Variants in SVEP1 observed in about 807,000 individuals in gnomAD.
SVEP1 encodes sushi, von Willebrand factor type A, EGF and pentraxin domain containing 1.
A neutral mutation model predicts 367.3 loss-of-function variants in SVEP1; 164 were observed. The observed-to-expected ratio is 0.45, with a 90% CI of 0.39 to 0.51. The LOEUF is 0.51. Among genes scored for constraint, SVEP1 ranks in the 20% least tolerant of loss-of-function variants. The pLI, the probability that SVEP1 is intolerant of heterozygous loss-of-function variation, is 0.00. For synonymous variants in SVEP1, 1,666 were observed against 1,611.6 expected (o/e 1.03, Z -0.81); for missense variants, 4,117 against 4,425.3 (o/e 0.93, Z 1.98).
chr9:110,425,224 T>C (rs1202909124), intron 36 of SVEP1, among the ~76,000 whole-genome samples: 1 of 152,222 alleles, frequency 6.6e-6, no homozygotes, highest in Non-Finnish European at 1.5e-5. Flanking sequence ...TGGGACTATG[T>C]GTACTTCATA....
intron 5 of SVEP1, among the ~76,000 whole-genome samples, chr9:110,506,695 C>T (rs192122928): frequency 2.0e-5 from 3 of 152,282 alleles, no homozygotes; most frequent in African/African-American, 7.2e-5. Context: ...TCCTACACTT[C>T]TTGTCCTCTA....
intron 45 of SVEP1, chr9:110,376,710 T>C (rs1827355830): frequency 6.6e-6 from 1 of 152,242 alleles, no homozygotes; most frequent in Non-Finnish European, 1.5e-5. Flanking sequence ...GTTGAGATAT[T>C]TAAAAATTTA....
chr9:110,464,609 GT>G (rs768292488), intron 18 of SVEP1, among the ~76,000 whole-genome samples: 4 of 152,136 alleles, frequency 2.6e-5, no homozygotes, highest in Non-Finnish European at 5.9e-5. Flanking sequence ...AGTAGGAAGT[GT>G]GCCTATGTGT....
intron 3 of SVEP1, among the ~76,000 whole-genome samples, chr9:110,528,154 GTGTA>G (rs1303409834): frequency 4.3e-3 from 110 of 25,708 alleles, no homozygotes; most frequent in Non-Finnish European, 7.8e-3. Flanking sequence ...GTGTGTGTGT[GTGTA>G]TATATATATA....
chr9:110,459,022 G>A lies in SVEP1; in HGVS notation c.3414C>T (p.Ala1138=). 2 of 1,613,874 alleles carry A rather than the reference G, an allele frequency of 1.2e-6. No homozygotes were observed. The highest frequency in any genetic ancestry group is 1.3e-5 in the African/African-American group (1 of 75,042). ...RDYYQPNAGK[A]FCLACPFYGT... The stretch of plus-strand genomic sequence containing the variant: ...CATAAAAGGGACAGGCCAGGCAGAA[G>A]GCCTTCCCTGCATTAGGTTGGTAAT... Residue 1138 remains alanine, a synonymous_variant, in exon 19 of 48, where the codon GCC becomes GCT. Coordinates refer to ENST00000374469, the MANE Select transcript of SVEP1 (RefSeq NM_153366.4).
rs577484502 is a variant in SVEP1, at chr9:110,387,273, G to A, written c.10060+12C>T. The stretch of plus-strand genomic sequence containing the variant: ...GAATCTGATTAAAATTTCTCCTAAA[G>A]GCAACACACACGTTTGCAGAGAGGG... On this transcript the variant is annotated intron_variant, in intron 42 of 47. Coordinates refer to ENST00000374469, the MANE Select transcript of SVEP1 (RefSeq NM_153366.4). 3.6e-5 allele frequency: 57 copies of A among 1,566,640 alleles called. No individual in the cohort carries two copies. Among genetic ancestry groups the A allele is most frequent in the Non-Finnish European group, 4.8e-5 (56 of 1,163,856 alleles).
At chr9:110,578,517 G>T (rs567653976) in intron 1 of SVEP1, among the ~76,000 whole-genome samples, 1 of 152,042 alleles carries the variant, frequency 6.6e-6, no homozygotes, top group Non-Finnish European at 1.5e-5. Context: ...ACAAAAGTCC[G>T]ACATCCCAAA....
At chr9:110,476,713 C>T (rs1211948594) in intron 13 of SVEP1, among the ~76,000 whole-genome samples, 1 of 152,146 alleles carries the variant, frequency 6.6e-6, no homozygotes, top group African/African-American at 2.4e-5. Context: ...TTATTTTCTA[C>T]CTCCTCTCTT....
At chr9:110,470,813 T>A (rs976112076) in intron 16 of SVEP1, among the ~76,000 whole-genome samples, 1 of 151,022 alleles carries the variant, frequency 6.6e-6, no homozygotes, top group Non-Finnish European at 1.5e-5. Flanking sequence ...AGTTCTAGGG[T>A]ACCTGTGCAC....
At position 110,471,722 on chromosome 9, in the gene SVEP1, A is replaced by AAAAAT; in HGVS notation, c.2765-130_2765-126dup. ...AGTACTAATAAGTGGTCTATAGAAA[A>AAAAAT]AAAATAAAAATCTTTCAGGAAAAAT... On this transcript the variant is annotated intron_variant, in intron 15 of 47. Coordinates refer to ENST00000374469, the MANE Select transcript of SVEP1 (RefSeq NM_153366.4). The AAAAAT allele has an allele frequency of 2.3e-5, 16 of 704,254 alleles. 1 individual carries two copies. In the South Asian group the frequency reaches 3.0e-4, roughly 13 times the overall value. The allele number at this position is 704,254 out of a possible 1,614,324, so 43.6% of individuals were successfully genotyped here. A position where few individuals can be genotyped will look rare whatever the true frequency, so the allele number is the denominator to read the frequency against.
intron 40 of SVEP1, among the ~76,000 whole-genome samples, chr9:110,391,204 TTA>T (rs1445072852): frequency 8.5e-5 from 13 of 152,284 alleles, no homozygotes; most frequent in African/African-American, 3.1e-4. Context: ...TGAGACTAGT[TTA>T]TGTTTCTGTG....
chr9:110,366,960 C>T (rs1206948526), intron 47 of SVEP1, among the ~76,000 whole-genome samples: 1 of 152,164 alleles, frequency 6.6e-6, no homozygotes, highest in Non-Finnish European at 1.5e-5. Flanking sequence ...TCAGAGGAAA[C>T]ACAATTTCCT....
chr9:110,575,995 T>G (rs1029233754), intron 1 of SVEP1, among the ~76,000 whole-genome samples: 1 of 152,154 alleles, frequency 6.6e-6, no homozygotes, highest in Non-Finnish European at 1.5e-5. Context: ...TAGCCAGCAC[T>G]GGCTGGTCTG....
chr9:110,430,711 C>T (rs1443130097), intron 32 of SVEP1, among the ~76,000 whole-genome samples: 3 of 152,178 alleles, frequency 2.0e-5, no homozygotes, highest in Admixed American at 6.5e-5. Flanking sequence ...AAGGTAGGCG[C>T]TCATTGGGAA....
intron 5 of SVEP1, among the ~76,000 whole-genome samples, chr9:110,506,245 T>A (rs531251294): frequency 6.6e-6 from 1 of 152,294 alleles, no homozygotes; most frequent in East Asian, 1.9e-4. Context: ...TGGTTCCAAG[T>A]CTTTGCTATC....
rs1564127463 is a variant in SVEP1 at position 110,390,277 on chromosome 9, A to ATATAAGTATGTGTATATATACG, written c.9823-691_9823-690insCGTATATATACACATACTTATA. ...TATATAAGTATGTATATATATACTT[A>ATATAAGTATGTGTATATATACG]TATATATACATACTTATATATACTT... On this transcript the variant is annotated intron_variant, in intron 40 of 47. Transcript: ENST00000374469. Among the ~76,000 whole-genome samples the ATATAAGTATGTGTATATATACG allele has an allele frequency of 2.6e-3, 189 of 73,776 alleles. 7 individuals carry two copies. Among genetic ancestry groups the ATATAAGTATGTGTATATATACG allele is most frequent in the Non-Finnish European group, 4.6e-3 (160 of 34,964 alleles). The allele number at this position is 73,776 out of a possible 152,430, so 48.4% of individuals were successfully genotyped here.
chr9:110,465,630 T>G (rs1401009659), intron 18 of SVEP1, among the ~76,000 whole-genome samples: 1 of 152,210 alleles, frequency 6.6e-6, no homozygotes, highest in Admixed American at 6.5e-5. Flanking sequence ...GGACCAAGTC[T>G]TGTACTTCTT....
chr9:110,382,949 G>T (rs1028219851), intron 43 of SVEP1, among the ~76,000 whole-genome samples: 2 of 152,062 alleles, frequency 1.3e-5, no homozygotes, highest in African/African-American at 4.8e-5. Context: ...TCTGGTTAAC[G>T]GATCCTGTAA....
In SVEP1 at chr9:110,406,610, C is replaced by A. The variant is rs747776391; in HGVS notation, c.8990G>T (p.Gly2997Val). ...RRCLSNGSWSGSSPSCLPCRC... is the reference protein window; with the variant it reads ...RRCLSNGSWSVSSPSCLPCRC... ...GCAAGGCAGGCAGGAAGGTGAGCTGCCACTCCAGGAGCCATTGGAGAGGCA... is the reference window on the plus strand; with the variant it reads ...GCAAGGCAGGCAGGAAGGTGAGCTGACACTCCAGGAGCCATTGGAGAGGCA... Residue 2997 changes from glycine (G) to valine (V), a missense_variant, in exon 38 of 48, where the codon GGC becomes GTC. This residue lies in a region of SVEP1 where 1,765 missense variants were observed against 1,781.1 expected (regional missense o/e 0.99). Transcript: ENST00000374469. 2.5e-6 allele frequency: 4 copies of A among 1,613,866 alleles called. No individual in the cohort carries two copies. Among genetic ancestry groups the A allele is most frequent in the South Asian group, 1.1e-5 (1 of 91,078 alleles).
Sources: allele counts gnomAD v4.1 joint callset (sites outside exome capture counted in the v4.1 genomes callset), GRCh38; gene constraint gnomAD v4.1.1; regional missense constraint gnomAD v4.1.1; transcripts MANE v1.5; gene names NCBI Gene and HGNC (gene_info 2026-07-23, HGNC 2026-07-21).